Variants in IL1RAPL1 observed in about 807,000 individuals in gnomAD.
The protein encoded by IL1RAPL1 is interleukin-1 receptor accessory protein-like 1.
A neutral mutation model predicts 48.4 loss-of-function variants in IL1RAPL1; 3 were observed. The observed-to-expected ratio is 0.06, with a 90% CI of 0.03 to 0.16. The LOEUF is 0.16. IL1RAPL1 is among the 10% of genes least tolerant of loss of function. IL1RAPL1 has a pLI of 1.00. For missense variants in IL1RAPL1, 349 were observed against 530.6 expected (o/e 0.66, Z 3.36); for synonymous variants, 185 against 187.7 (o/e 0.99, Z 0.12).
intron 5 of IL1RAPL1, among the ~76,000 whole-genome samples, chrX:29,587,129 C>G (rs1052538709): frequency 9.0e-6 from 1 of 110,984 alleles, no homozygotes; most frequent in African/African-American, 3.3e-5. Flanking sequence ...CTGAAAGTGC[C>G]ATTTGAATTT....
At chrX:29,240,749 A>G (rs1372302378) in intron 2 of IL1RAPL1, among the ~76,000 whole-genome samples, 2 of 111,668 alleles carry the variant, frequency 1.8e-5, no homozygotes, top group Non-Finnish European at 3.8e-5. Flanking sequence ...TTCCAACTGC[A>G]TATATGATTT....
intron 2 of IL1RAPL1, among the ~76,000 whole-genome samples, chrX:28,821,874 G>A (rs964598830): frequency 9.0e-6 from 1 of 111,377 alleles, no homozygotes; most frequent in Non-Finnish European, 1.9e-5. Flanking sequence ...TTATGACAGA[G>A]ATGAATATGT....
intron 5 of IL1RAPL1, among the ~76,000 whole-genome samples, chrX:29,514,140 TC>T (rs995139638): frequency 1.8e-5 from 2 of 111,666 alleles, no homozygotes; most frequent in Non-Finnish European, 3.8e-5. Context: ...TTATAATTTA[TC>T]GTAAAAATTA....
intron 2 of IL1RAPL1, among the ~76,000 whole-genome samples, chrX:29,256,585 T>C (rs1331938214): frequency 8.9e-6 from 1 of 111,888 alleles, no homozygotes; most frequent in African/African-American, 3.2e-5. Flanking sequence ...ATGAAGATCA[T>C]GCCTACCTTG....
intron 6 of IL1RAPL1, among the ~76,000 whole-genome samples, chrX:29,785,285 A>G (rs754891490): frequency 1.8e-5 from 2 of 112,476 alleles, no homozygotes; most frequent in Non-Finnish European, 3.8e-5. Context: ...ATGTAAATTA[A>G]AACCACAATG....
chrX:29,184,267 G>C (rs932891002), intron 2 of IL1RAPL1, among the ~76,000 whole-genome samples: 1 of 111,689 alleles, frequency 9.0e-6, no homozygotes, highest in Admixed American at 9.5e-5. Flanking sequence ...TCCCAGCAAC[G>C]AATATAGTAT....
intron 5 of IL1RAPL1, among the ~76,000 whole-genome samples, chrX:29,455,379 G>C (rs1229648547): frequency 8.9e-6 from 1 of 111,917 alleles, no homozygotes; most frequent in Non-Finnish European, 1.9e-5. Flanking sequence ...TAAGCTTTAA[G>C]TGGTACTTGA....
intron 5 of IL1RAPL1, among the ~76,000 whole-genome samples, chrX:29,651,763 G>A (rs775609802): frequency 3.6e-5 from 4 of 111,690 alleles, no homozygotes; most frequent in Admixed American, 9.5e-5. Context: ...TGCAGAGACT[G>A]GATGTTAGGT....
intron 1 of IL1RAPL1, among the ~76,000 whole-genome samples, chrX:28,773,061 ATCTCTCTC>A (rs112975089): frequency 2.8e-5 from 3 of 105,459 alleles, no homozygotes; most frequent in East Asian, 6.0e-4. Context: ...TTCTTATAAT[ATCTCTCTC>A]TCTCTCTCTC....
intron 2 of IL1RAPL1, among the ~76,000 whole-genome samples, chrX:28,860,433 A>G (rs1380540922): frequency 9.1e-6 from 1 of 109,550 alleles, no homozygotes. Flanking sequence ...GATAATATAT[A>G]ATAATTATGT....
At chrX:28,999,802 C>A (rs967037359) in intron 2 of IL1RAPL1, among the ~76,000 whole-genome samples, 1 of 111,813 alleles carries the variant, frequency 8.9e-6, no homozygotes, top group Non-Finnish European at 1.9e-5. Flanking sequence ...CAACTTCTTG[C>A]GCATAGGTAT....
At chrX:29,305,814 G>A (rs989955911) in intron 3 of IL1RAPL1, among the ~76,000 whole-genome samples, 4 of 111,795 alleles carry the variant, frequency 3.6e-5, no homozygotes, top group Admixed American at 9.5e-5. Context: ...GCATCAAAGG[G>A]TACAGTGAAA....
At chrX:28,709,267 T>C (rs750251360) in intron 1 of IL1RAPL1, among the ~76,000 whole-genome samples, 96 of 112,170 alleles carry the variant, frequency 8.6e-4, no homozygotes, top group Non-Finnish European at 1.6e-3. Context: ...ATATAGAAAA[T>C]AGACAGCCCC....
intron 3 of IL1RAPL1, among the ~76,000 whole-genome samples, chrX:29,340,745 G>T (rs988435661): frequency 9.0e-6 from 1 of 111,421 alleles, no homozygotes; most frequent in Non-Finnish European, 1.9e-5. Context: ...AGGTATTATG[G>T]TGAGAGCTAT....
chrX:29,308,017 C>T (rs1226090817), intron 3 of IL1RAPL1, among the ~76,000 whole-genome samples: 1 of 111,933 alleles, frequency 8.9e-6, no homozygotes, highest in Non-Finnish European at 1.9e-5. Context: ...ATAACACTCT[C>T]TGAGCTTGTC....
chrX:29,495,781 A>G (rs1393994481), intron 5 of IL1RAPL1, among the ~76,000 whole-genome samples: 4 of 111,205 alleles, frequency 3.6e-5, no homozygotes, highest in Non-Finnish European at 7.5e-5. Flanking sequence ...GTGCCCAAAC[A>G]ACATGATCGA....
chrX:29,160,273 G>C (rs1164154946), intron 2 of IL1RAPL1, among the ~76,000 whole-genome samples: 1 of 111,672 alleles, frequency 9.0e-6, no homozygotes. Context: ...CTGCTATGAT[G>C]TGGACACTGC....
intron 5 of IL1RAPL1, among the ~76,000 whole-genome samples, chrX:29,464,636 T>A (rs1468579275): frequency 2.7e-5 from 3 of 112,180 alleles, no homozygotes; most frequent in Non-Finnish European, 5.6e-5. Flanking sequence ...CACATGTATG[T>A]TCATCATGGC....
intron 3 of IL1RAPL1, among the ~76,000 whole-genome samples, chrX:29,339,022 G>A (rs1245523780): frequency 2.8e-5 from 3 of 107,562 alleles, no homozygotes; most frequent in Non-Finnish European, 5.8e-5. Context: ...CGGCCCACCC[G>A]AGCCGCAGGT....
Sources: gnomAD v4.1 joint callset for allele counts (sites outside exome capture counted in the v4.1 genomes callset) on GRCh38, gnomAD v4.1.1 for gene constraint, MANE v1.5 for transcripts, NCBI Gene and HGNC (gene_info 2026-07-23, HGNC 2026-07-21) for gene names.